Variants in ZNF420 observed in about 807,000 individuals in gnomAD.
ZNF420 encodes zinc finger protein 420.
ZNF420 carries 31 observed loss-of-function variants against 44.7 expected under a neutral mutation model. That is an observed-to-expected ratio of 0.69 (90% CI 0.52 to 0.94). The LOEUF (loss-of-function observed/expected upper bound fraction) is 0.94. ZNF420 is among the 40% of genes least tolerant of loss of function. The probability of loss-of-function intolerance (pLI) is 0.00; values close to 1 mark genes in which losing one functional copy is unlikely to be tolerated. For synonymous variants in ZNF420, 245 were observed against 267.4 expected (o/e 0.92, Z 0.82); for missense variants, 681 against 827.9 (o/e 0.82, Z 2.18).
At chr19:37,032,288 C>T (rs1470663440) in intron 1 of ZNF420, among the ~76,000 whole-genome samples, 2 of 150,782 alleles carry the variant, frequency 1.3e-5, no homozygotes, top group African/African-American at 4.9e-5. Flanking sequence ...GCCGAGATTG[C>T]GCCACTGCAC....
At chr19:37,111,054 C>A (rs548201615) in intron 4 of ZNF420, among the ~76,000 whole-genome samples, 8 of 152,244 alleles carry the variant, frequency 5.3e-5, no homozygotes, top group Admixed American at 5.2e-4. Flanking sequence ...TCTTGCCTGA[C>A]CAATTAATGT....
At chr19:37,062,520 C>T (rs187491897) in intron 1 of ZNF420, among the ~76,000 whole-genome samples, 73 of 152,160 alleles carry the variant, frequency 4.8e-4, no homozygotes, top group Admixed American at 1.2e-3. Flanking sequence ...GTTTTATGTC[C>T]TAATTTGTTT....
chr19:37,012,760 ATGTCTCTGTGTGTGTGTGTGTGTGTGTG>A (rs978532295), intron 1 of ZNF420, among the ~76,000 whole-genome samples: 6 of 101,938 alleles, frequency 5.9e-5, no homozygotes, highest in Non-Finnish European at 1.2e-4. Context: ...CCACTGCTAT[ATGTCTCTGTGTGTGTGTGTGTGTGTGTG>A]TGTGTGTGTG....
rs1415968066 is a variant in ZNF420 at position 37,023,816 on chromosome 19, A to G, written c.-125+15734A>G. On this transcript the variant is annotated intron_variant, in intron 1 of 4. Coordinates refer to the ZNF420 transcript ENST00000587029. ...CAAATTGATACCTAATAAGAGCTTA[A>G]CCATATCTAAAAGCCTTCCCGTGTA... Among the ~76,000 whole-genome samples the G allele has an allele frequency of 7.9e-5, 12 of 152,280 alleles. No individual in the cohort carries two copies. The East Asian group carries it at 1.5e-3, about 20-fold the overall frequency.
chr19:37,032,292 AC>A (rs1967273914), intron 1 of ZNF420, among the ~76,000 whole-genome samples: 1 of 151,266 alleles, frequency 6.6e-6, no homozygotes, highest in Non-Finnish European at 1.5e-5. Context: ...AGATTGCGCC[AC>A]TGCACTCCAA....
At chr19:37,058,779 A>G (rs1208371749) in intron 1 of ZNF420, among the ~76,000 whole-genome samples, 3 of 151,994 alleles carry the variant, frequency 2.0e-5, no homozygotes, top group Non-Finnish European at 4.4e-5. Flanking sequence ...CACTCACCCA[A>G]TCTGCTCTTA....
At position 37,127,029 on chromosome 19, in the gene ZNF420, A is replaced by G. The variant is rs1521098; in HGVS notation, c.137-99A>G. ...AATAATCAATATTTGAAACAAACTC[A>G]TGTATGTCTGTTATTTCTTATGGGC... On this transcript the variant is annotated intron_variant, in intron 4 of 4. Coordinates refer to ENST00000337995, the MANE Select transcript of ZNF420 (RefSeq NM_144689.5). The G allele has an allele frequency of 6.0e-3, 6,203 of 1,031,708 alleles. 158 individuals are homozygous for G. Among genetic ancestry groups the G allele is most frequent in the Admixed American group, 0.049 (1,405 of 28,702 alleles). The allele number at this position is 1,031,708 out of a possible 1,614,324, so 63.9% of individuals were successfully genotyped here.
At chr19:37,105,399 T>C (rs1020556251) in intron 4 of ZNF420, among the ~76,000 whole-genome samples, 22 of 152,220 alleles carry the variant, frequency 1.4e-4, no homozygotes, top group Non-Finnish European at 2.8e-4. Context: ...TTGGTTACTG[T>C]AGCCTTGTAG....
chr19:37,117,707 GA>G (rs142916840), intron 4 of ZNF420, among the ~76,000 whole-genome samples: 76,410 of 151,842 alleles, frequency 0.5, 19,890 homozygotes, highest in African/African-American at 0.58. Context: ...CAATGGCAAA[GA>G]AGTTAAAAAC....
At position 37,127,526 on chromosome 19, in the gene ZNF420, G is replaced by A; in HGVS notation, c.535G>A (p.Asp179Asn). Residue 179 changes from aspartate (D) to asparagine (N), a missense_variant, in exon 5 of 5, where the codon GAT (aspartate) becomes AAT (asparagine). Around this residue, in one of 3 missense-constraint regions of ZNF420, gnomAD observed 350 missense variants for 382.5 expected, o/e 0.92. Transcript: ENST00000337995. The stretch of plus-strand genomic sequence containing the variant: ...GCAATGCGGGAAGGCCTTTAGTCGT[G>A]ATTCACAACTCAGTCTTCATCAGAG... The part of the protein sequence containing the change: ...CKQCGKAFSR[D>N]SQLSLHQRLH... 1 of 1,613,656 alleles carries A rather than the reference G, an allele frequency of 6.2e-7. No homozygotes were observed. The highest frequency in any genetic ancestry group is 2.2e-5 in the East Asian group (1 of 44,834).
At chr19:37,103,273 G>GT (rs147401115) in intron 4 of ZNF420, among the ~76,000 whole-genome samples, 2,937 of 152,010 alleles carry the variant, frequency 0.019, 78 homozygotes, top group East Asian at 0.05. Flanking sequence ...AGGATTATAT[G>GT]TTTTTTCTAT....
intron 4 of ZNF420, among the ~76,000 whole-genome samples, chr19:37,105,210 T>G (rs921731931): frequency 1.3e-5 from 2 of 152,248 alleles, no homozygotes; most frequent in African/African-American, 4.8e-5. Context: ...TTCAGCTTTC[T>G]ACATATGGCT....
chr19:37,125,465 A>G (rs1409636151), intron 4 of ZNF420, among the ~76,000 whole-genome samples: 1 of 152,144 alleles, frequency 6.6e-6, no homozygotes, highest in East Asian at 1.9e-4. Context: ...TTATAGGGAA[A>G]CCACAGATCA....
At chr19:37,031,939 T>G (rs938920922) in intron 1 of ZNF420, among the ~76,000 whole-genome samples, 31 of 150,524 alleles carry the variant, frequency 2.1e-4, no homozygotes, top group African/African-American at 7.1e-4. Flanking sequence ...GCGTGGTGGC[T>G]TACACCTATG....
chr19:37,045,337 C>A (rs966106944), intron 1 of ZNF420, among the ~76,000 whole-genome samples: 2 of 152,266 alleles, frequency 1.3e-5, no homozygotes, highest in Admixed American at 1.3e-4. Context: ...ATGAAGTCAA[C>A]AGGTGTTATT....
chr19:37,117,933 A>C (rs1037298821), intron 4 of ZNF420, among the ~76,000 whole-genome samples: 8 of 152,202 alleles, frequency 5.3e-5, no homozygotes, highest in Non-Finnish European at 8.8e-5. Context: ...AAAAAGAATA[A>C]AAAGAAACAA....
chr19:37,047,602 G>T (rs1967564628), intron 1 of ZNF420, among the ~76,000 whole-genome samples: 1 of 152,152 alleles, frequency 6.6e-6, no homozygotes, highest in South Asian at 2.1e-4. Flanking sequence ...AATTTTCTTT[G>T]TTGCCTGTCT....
At chr19:37,081,921 C>T (rs1446098084) in intron 2 of ZNF420, among the ~76,000 whole-genome samples, 9 of 151,786 alleles carry the variant, frequency 5.9e-5, no homozygotes, top group African/African-American at 2.2e-4. Flanking sequence ...GTGAATTGAC[C>T]CCTTTATCAT....
rs144682694 is a variant in ZNF420 at position 37,111,337 on chromosome 19, C to T, written c.137-15791C>T. On this transcript the variant is annotated intron_variant, in intron 4 of 4. Transcript: ENST00000337995. ...CTCTTAAGATAGAGAACAAATTTGACATGGCATAAGTAGGAATACCTAGAG... is the reference window on the plus strand; with the variant it reads ...CTCTTAAGATAGAGAACAAATTTGATATGGCATAAGTAGGAATACCTAGAG... Among the ~76,000 whole-genome samples the T allele has an allele frequency of 9.0e-3, 1,373 of 152,348 alleles. 4 individuals carry two copies. Among genetic ancestry groups the T allele is most frequent in the Non-Finnish European group, 0.015 (998 of 68,036 alleles).
Sources: allele counts gnomAD v4.1 joint callset (sites outside exome capture counted in the v4.1 genomes callset), GRCh38; gene constraint gnomAD v4.1.1; regional missense constraint gnomAD v4.1.1; transcripts MANE v1.5; gene names NCBI Gene and HGNC (gene_info 2026-07-23, HGNC 2026-07-21).